GPD1L: variants seen among roughly 807,000 people sequenced by gnomAD.
GPD1L encodes glycerol-3-phosphate dehydrogenase 1-like protein.
A neutral mutation model predicts 32.9 loss-of-function variants in GPD1L; 17 were observed. That is an observed-to-expected ratio of 0.52 (90% CI 0.35 to 0.78). The LOEUF (loss-of-function observed/expected upper bound fraction) is 0.78. GPD1L is among the 30% of genes least tolerant of loss of function. The pLI is 0.01. For missense variants in GPD1L, 361 were observed against 447.8 expected (o/e 0.81, Z 1.75); for synonymous variants, 187 against 165.9 (o/e 1.13, Z -0.98).
chr3:32,137,074 T>TG (rs1178358330), intron 2 of GPD1L, among the ~76,000 whole-genome samples: 1 of 152,132 alleles, frequency 6.6e-6, no homozygotes, highest in Non-Finnish European at 1.5e-5. Flanking sequence ...GGCTGGGAGT[T>TG]GGCAATCTCC....
At chr3:32,138,202 G>T (rs75906039) in intron 2 of GPD1L, among the ~76,000 whole-genome samples, 1 of 152,172 alleles carries the variant, frequency 6.6e-6, no homozygotes, top group African/African-American at 2.4e-5. Flanking sequence ...GAGAACAAGG[G>T]AGCCTGGGGA....
rs759219954 is a variant in GPD1L at position 32,128,072 on chromosome 3, G to T, written c.48-4G>T. On this transcript the variant is annotated splice_polypyrimidine_tract_variant and splice_region_variant and intron_variant, in intron 1 of 7. Transcript: ENST00000282541. Reference sequence around the variant, plus strand: ...GTTTTTCTTTTCCACGATTTCTTTTGTAGGGGTTCAGCTGTTGCAAAAATA... The same window carrying T: ...GTTTTTCTTTTCCACGATTTCTTTTTTAGGGGTTCAGCTGTTGCAAAAATA... 1 of 1,604,906 alleles carries T rather than the reference G, an allele frequency of 6.2e-7. No individual in the cohort carries two copies. Among genetic ancestry groups the T allele is most frequent in the Non-Finnish European group, 8.5e-7 (1 of 1,172,108 alleles).
At chr3:32,139,177 A>G (rs933019460) in intron 3 of GPD1L, among the ~76,000 whole-genome samples, 3 of 152,252 alleles carry the variant, frequency 2.0e-5, no homozygotes, top group Admixed American at 6.5e-5. Flanking sequence ...AAATCCTTGC[A>G]TTCTAACTCA....
Position 32,123,518 on chromosome 3 carries a change from T to C in GPD1L, c.48-4558T>C, listed in dbSNP as rs73063443. The stretch of plus-strand genomic sequence containing the variant: ...TTCGTGTGTATCCCTAGTACCCATT[T>C]CTCACTTTGGGAAGCACTGGATTCG... On this transcript the variant is annotated intron_variant, in intron 1 of 7. Transcript: ENST00000282541. Among the ~76,000 whole-genome samples the C allele has an allele frequency of 6.1e-3, 922 of 152,192 alleles. 1 individual carries two copies. The highest frequency in any genetic ancestry group is 0.011 in the Non-Finnish European group (757 of 68,014).
chr3:32,163,313 C>T (rs185899658), intron 7 of GPD1L, among the ~76,000 whole-genome samples: 1 of 151,770 alleles, frequency 6.6e-6, no homozygotes, highest in African/African-American at 2.4e-5. Flanking sequence ...GGACTACAGG[C>T]GCCCGCCACC....
chr3:32,166,364 A>G lies in GPD1L; in HGVS notation c.*454A>G. 5.0e-6 allele frequency: 1 copy of G among 201,492 alleles called. No individual in the cohort carries two copies. The highest frequency in any genetic ancestry group is 1.0e-5 in the Non-Finnish European group (1 of 97,780). The allele number at this position is 201,492 out of a possible 1,614,324, so 12.5% of individuals were successfully genotyped here. A position where few individuals can be genotyped will look rare whatever the true frequency, so the allele number is the denominator to read the frequency against. ...GGAGTGAGTGTGTTCAAAGATCAAC[A>G]TATTTAACTTTTAAACACTATCTCA... On this transcript the variant is annotated 3_prime_UTR_variant, in exon 8 of 8. Coordinates refer to ENST00000282541, the MANE Select transcript of GPD1L (RefSeq NM_015141.4).
At chr3:32,115,621 G>A (rs868371621) in intron 1 of GPD1L, among the ~76,000 whole-genome samples, 4 of 152,112 alleles carry the variant, frequency 2.6e-5, no homozygotes, top group Non-Finnish European at 5.9e-5. Context: ...TGGAGGAGGA[G>A]GAGAACTCTA....
At chr3:32,122,576 A>G (rs1408175798) in intron 1 of GPD1L, among the ~76,000 whole-genome samples, 1 of 152,242 alleles carries the variant, frequency 6.6e-6, no homozygotes, top group East Asian at 1.9e-4. Context: ...ATAGAATTTT[A>G]TACATCTATG....
rs1173061370 is a variant in GPD1L at position 32,167,381 on chromosome 3, C to T, written c.*1471C>T. ...GGAACACTGTTCTAGGCTTAGGTGA[C>T]CTTAGGATCACTCAAGTAGACCCTT... is the stretch of plus-strand genomic sequence containing the variant. On this transcript the variant is annotated 3_prime_UTR_variant, in exon 8 of 8. Coordinates refer to ENST00000282541, the MANE Select transcript of GPD1L (RefSeq NM_015141.4). 1 of 152,514 alleles carries T rather than the reference C, an allele frequency of 6.6e-6. No individual in the cohort carries two copies. Among genetic ancestry groups the T allele is most frequent in the Non-Finnish European group, 1.5e-5 (1 of 68,028 alleles). 9.4% of individuals were successfully genotyped at this position (152,514 alleles called of 1,614,324 possible). A position where few individuals can be genotyped will look rare whatever the true frequency, so the allele number is the denominator to read the frequency against.
Position 32,138,741 on chromosome 3 carries a change from A to G in GPD1L, c.366+14A>G, listed in dbSNP as rs776114036. On this transcript the variant is annotated intron_variant, in intron 3 of 7. Transcript: ENST00000282541. ...ACCCTCATCAAGGTAACTCGAGTGCATGCTGCCCAGGGCTAGACATTGGTT... is the reference window on the plus strand; with the variant it reads ...ACCCTCATCAAGGTAACTCGAGTGCGTGCTGCCCAGGGCTAGACATTGGTT... 1.4e-5 allele frequency: 23 copies of G among 1,613,530 alleles called. No homozygotes were observed. The highest frequency in any genetic ancestry group is 1.2e-4 in the South Asian group (11 of 91,068).
rs758741738 is a variant in GPD1L, at chr3:32,146,710, T to C, written c.594T>C (p.Thr198=). 5 of 1,609,306 alleles carry C rather than the reference T, an allele frequency of 3.1e-6. No homozygotes were observed. The Admixed American group carries it at 8.3e-5, about 27-fold the overall frequency. The part of the protein sequence containing the change: ...FRITVVDDAD[T]VELCGALKNI... ...TTACCGTGGTTGATGATGCAGACAC[T>C]GTTGAACTCTGTGGTGCGCTTAAGG... The change falls in exon 5 of 8, where the codon ACT becomes ACC. Residue 198 remains threonine (T), a synonymous_variant. Coordinates refer to ENST00000282541, the MANE Select transcript of GPD1L (RefSeq NM_015141.4).
rs1277164691 is a variant in GPD1L at position 32,146,803 on chromosome 3, A to T, written c.618+69A>T. The T allele has an allele frequency of 5.7e-6, 5 of 873,872 alleles. No homozygotes were observed. The Admixed American group carries it at 6.8e-5, about 12-fold the overall frequency. 54.1% of individuals were successfully genotyped at this position (873,872 alleles called of 1,614,324 possible). On this transcript the variant is annotated intron_variant, in intron 5 of 7. Transcript: ENST00000282541. ...GTTAGCATCATTGAGTCTAATCCTC[A>T]AGAATGGGCTCTGTGTTCTGTGCAC...
intron 1 of GPD1L, among the ~76,000 whole-genome samples, chr3:32,108,563 A>G (rs894142071): frequency 6.6e-6 from 1 of 152,204 alleles, no homozygotes; most frequent in Admixed American, 6.5e-5. Flanking sequence ...AAGAGTACCA[A>G]AAACAGTGAA....
At chr3:32,158,710 C>T (rs1289900163) in intron 5 of GPD1L, 166 bp from the exon 6 acceptor site, 3 of 1,460,124 alleles carry the variant, frequency 2.1e-6, no homozygotes, top group Non-Finnish European at 2.7e-6. Context: ...CTCCTTTCGT[C>T]ATCTCTTTCA....
chr3:32,166,759 C>A lies in GPD1L; in HGVS notation c.*849C>A, dbSNP rs1368578396. 2 of 152,446 alleles carry A rather than the reference C, an allele frequency of 1.3e-5. No individual in the cohort carries two copies. The highest frequency in any genetic ancestry group is 4.8e-5 in the African/African-American group (2 of 41,426). The allele number at this position is 152,446 out of a possible 1,614,324, so 9.4% of individuals were successfully genotyped here. On this transcript the variant is annotated 3_prime_UTR_variant, in exon 8 of 8. Coordinates refer to ENST00000282541, the MANE Select transcript of GPD1L (RefSeq NM_015141.4). ...TAGATGCAGTCACTCCTCCTGGTCA[C>A]CTAGTGAGCAGGGACAGAGCCAGGA...
At chr3:32,114,932 G>A (rs59325372) in intron 1 of GPD1L, among the ~76,000 whole-genome samples, 3,592 of 152,224 alleles carry the variant, frequency 0.024, 274 homozygotes, top group East Asian at 0.23. Context: ...GAGTGAAGCC[G>A]CAGACCTCTG....
In GPD1L at chr3:32,123,791, A is replaced by AAGATAGATAGATAGATAGATAGAT. The variant is rs564716825; in HGVS notation, c.48-4257_48-4234dup. Among the ~76,000 whole-genome samples the AAGATAGATAGATAGATAGATAGAT allele has an allele frequency of 9.0e-4, 114 of 126,986 alleles. 1 individual carries two copies. The highest frequency in any genetic ancestry group is 2.1e-3 in the East Asian group (9 of 4,194). 83.3% of individuals were successfully genotyped at this position (126,986 alleles called of 152,430 possible). A position where few individuals can be genotyped will look rare whatever the true frequency, so the allele number is the denominator to read the frequency against. ...AGAGAGATAGATATGCAGGAATTGA[A>AAGATAGATAGATAGATAGATAGAT]AGATAGATAGATAGATAGATAGATA... On this transcript the variant is annotated intron_variant, in intron 1 of 7. Coordinates refer to ENST00000282541, the MANE Select transcript of GPD1L (RefSeq NM_015141.4).
chr3:32,124,934 C>G (rs1700485624), intron 1 of GPD1L, among the ~76,000 whole-genome samples: 1 of 151,998 alleles, frequency 6.6e-6, no homozygotes, highest in African/African-American at 2.4e-5. Context: ...AACAAACAAA[C>G]AGAGAGAGTA....
chr3:32,115,402 A>G (rs1179349245), intron 1 of GPD1L, among the ~76,000 whole-genome samples: 2 of 152,172 alleles, frequency 1.3e-5, no homozygotes, highest in African/African-American at 2.4e-5. Context: ...CTAGGCAGAA[A>G]AGTTCTCCAA....
Sources: gnomAD v4.1 joint callset for allele counts (sites outside exome capture counted in the v4.1 genomes callset) on GRCh38, gnomAD v4.1.1 for gene constraint, MANE v1.5 for transcripts, NCBI Gene and HGNC (gene_info 2026-07-23, HGNC 2026-07-21) for gene names.